The following MED12L variants were observed in gnomAD, a reference collection of about 807,000 sequenced individuals.
MED12L encodes mediator complex subunit 12L, also known as mediator of RNA polymerase II transcription subunit 12-like protein.
MED12L carries 60 observed loss-of-function variants against 281.3 expected under a neutral mutation model. That is an observed-to-expected ratio of 0.21 (90% CI 0.17 to 0.26). MED12L has a LOEUF of 0.26. Ranked by LOEUF, MED12L falls within the 10% of genes least tolerant of loss-of-function variation. The pLI, the probability that MED12L is intolerant of heterozygous loss-of-function variation, is 1.00. For synonymous variants in MED12L, 974 were observed against 987.2 expected, an observed-to-expected ratio of 0.99 and a Z score of 0.25; for missense variants, 2,146 against 2,680.9, an observed-to-expected ratio of 0.80 and a Z score of 4.41.
intron 21 of MED12L, among the ~76,000 whole-genome samples, chr3:151,364,250 C>T (rs541308793): frequency 6.6e-6 from 1 of 152,264 alleles, no homozygotes; most frequent in African/African-American, 2.4e-5. Context: ...GTTCTAATTC[C>T]TGTTATACTT....
intron 2 of MED12L, among the ~76,000 whole-genome samples, chr3:151,114,728 A>C (rs992413061): frequency 6.6e-6 from 1 of 150,810 alleles, no homozygotes; most frequent in African/African-American, 2.4e-5. Context: ...TCCATAACTC[A>C]ATGATAATCT....
intron 2 of MED12L, among the ~76,000 whole-genome samples, chr3:151,100,868 T>C (rs1417281650): frequency 2.0e-5 from 3 of 152,210 alleles, no homozygotes; most frequent in Non-Finnish European, 4.4e-5. Flanking sequence ...TTAGGTGATA[T>C]GGGGGTGTAG....
At position 151,368,737 on chromosome 3, in the gene MED12L, T is replaced by TTCATTTCATG. The variant is rs1553798229; in HGVS notation, c.3550+495_3550+496insGTCATTTCAT. Among the ~76,000 whole-genome samples, 180 of 77,162 alleles carry TTCATTTCATG rather than the reference T, an allele frequency of 2.3e-3. 1 individual carries two copies. Among genetic ancestry groups the TTCATTTCATG allele is most frequent in the Middle Eastern group, 0.012 (2 of 172 alleles). 50.6% of individuals were successfully genotyped at this position (77,162 alleles called of 152,430 possible). On this transcript the variant is annotated intron_variant, in intron 25 of 44. Transcript: ENST00000687756. ...TTCATTTCATTTCATTTCATTTCAT[T>TTCATTTCATG]TCATTTCATTTCATGTCATTTCATT...
At chr3:151,247,838 C>G (rs192841873) in intron 16 of MED12L, among the ~76,000 whole-genome samples, 113 of 151,506 alleles carry the variant, frequency 7.5e-4, no homozygotes, top group Non-Finnish European at 1.4e-3. Context: ...CATTTGTTGA[C>G]AAGAGTCACA....
At chr3:151,241,109 G>C (rs143656789) in intron 16 of MED12L, among the ~76,000 whole-genome samples, 32 of 152,182 alleles carry the variant, frequency 2.1e-4, no homozygotes, top group African/African-American at 7.5e-4. Flanking sequence ...TTAGTTAGAA[G>C]TCTTAGATCT....
chr3:151,170,808 A>G (rs1721330027), intron 11 of MED12L, among the ~76,000 whole-genome samples: 1 of 152,214 alleles, frequency 6.6e-6, no homozygotes, highest in East Asian at 1.9e-4. Flanking sequence ...CACAGTGGCC[A>G]GGCAGGTAGT....
intron 16 of MED12L, among the ~76,000 whole-genome samples, chr3:151,290,496 C>T (rs968576864): frequency 2.6e-5 from 4 of 152,084 alleles, no homozygotes; most frequent in Non-Finnish European, 5.9e-5. Context: ...TCTTACTCCT[C>T]CCTATTCAGT....
chr3:151,418,527 A>G (rs567852726), intron 43 of MED12L, among the ~76,000 whole-genome samples: 18 of 152,184 alleles, frequency 1.2e-4, no homozygotes, highest in Non-Finnish European at 2.1e-4. Flanking sequence ...ATGCTACTCA[A>G]TTTGATTTAT....
intron 40 of MED12L, 49 bp from the exon 41 acceptor site, chr3:151,411,229 C>G (rs756985625): frequency 6.6e-7 from 1 of 1,517,686 alleles, no homozygotes; most frequent in African/African-American, 1.4e-5. Context: ...GATGGGAAAG[C>G]TAGGTGATAA....
At chr3:151,137,509 T>G (rs1012681761) in intron 5 of MED12L, among the ~76,000 whole-genome samples, 1 of 152,204 alleles carries the variant, frequency 6.6e-6, no homozygotes, top group Non-Finnish European at 1.5e-5. Context: ...CTAAAGGTGC[T>G]CATTGCTACT....
At chr3:151,425,487 G>C (rs1718773380) in intron 43 of MED12L, 1 of 374,964 alleles carries the variant, frequency 2.7e-6, no homozygotes, top group Admixed American at 3.0e-5. Flanking sequence ...TGCAGTCTCA[G>C]ACTCTTAGGC....
At position 151,191,855 on chromosome 3, in the gene MED12L, G is replaced by A. The variant is rs551219662; in HGVS notation, c.1969-695G>A. Among the ~76,000 whole-genome samples the A allele has an allele frequency of 3.9e-5, 6 of 151,958 alleles. No homozygotes were observed. In the South Asian group the frequency reaches 1.0e-3, roughly 26 times the overall value. On this transcript the variant is annotated intron_variant, in intron 14 of 44. Transcript: ENST00000687756. ...CGGGAGGTGGAGGTTGCAGTGAGCC[G>A]AGATTGCGCCATTGCACTCCAGCCT...
intron 44 of MED12L, among the ~76,000 whole-genome samples, chr3:151,432,010 T>C (rs1719588894): frequency 6.6e-6 from 1 of 152,178 alleles, no homozygotes; most frequent in Non-Finnish European, 1.5e-5. Flanking sequence ...CAGTATATAC[T>C]CAGCTGCCTG....
At chr3:151,207,767 A>C (rs962442041) in intron 16 of MED12L, among the ~76,000 whole-genome samples, 6 of 152,176 alleles carry the variant, frequency 3.9e-5, no homozygotes, top group African/African-American at 1.4e-4. Flanking sequence ...CTGAAATTAC[A>C]TGGGAAGGGA....
intron 16 of MED12L, among the ~76,000 whole-genome samples, chr3:151,343,686 G>A (rs1206401938): frequency 4.6e-5 from 7 of 152,148 alleles, no homozygotes; most frequent in Non-Finnish European, 8.8e-5. Flanking sequence ...ACTTTGGTTG[G>A]TTTGGTTATT....
intron 16 of MED12L, among the ~76,000 whole-genome samples, chr3:151,231,911 A>G (rs1422050376): frequency 6.6e-6 from 1 of 152,200 alleles, no homozygotes; most frequent in Non-Finnish European, 1.5e-5. Context: ...AAGAAAACAA[A>G]GTGTTATGTT....
intron 16 of MED12L, among the ~76,000 whole-genome samples, chr3:151,230,082 G>A (rs927126501): frequency 1.3e-5 from 2 of 151,998 alleles, no homozygotes; most frequent in Admixed American, 6.6e-5. Context: ...CCATTCTCCC[G>A]CCTCTGCCTC....
chr3:151,182,145 A>T (rs906029305), intron 11 of MED12L, among the ~76,000 whole-genome samples: 9 of 152,208 alleles, frequency 5.9e-5, no homozygotes, highest in African/African-American at 2.2e-4. Context: ...CAGGAGCATT[A>T]TTTAGAGATT....
In MED12L at chr3:151,102,669, C is replaced by A. The variant is rs148653720; in HGVS notation, c.100-13669C>A. Among the ~76,000 whole-genome samples the A allele has an allele frequency of 4.1e-3, 629 of 152,248 alleles. 28 individuals are homozygous for A. The highest frequency in any genetic ancestry group is 0.037 in the Admixed American group (564 of 15,290). ...GTTGTTTTTTGTAGAGACAAGGTCTCACTATGTTGCCCAGGCTGGTCTTGA... is the reference window on the plus strand; with the variant it reads ...GTTGTTTTTTGTAGAGACAAGGTCTAACTATGTTGCCCAGGCTGGTCTTGA... On this transcript the variant is annotated intron_variant, in intron 2 of 44. Transcript: ENST00000687756.
Sources: allele counts gnomAD v4.1 joint callset (sites outside exome capture counted in the v4.1 genomes callset), GRCh38; gene constraint gnomAD v4.1.1; transcripts MANE v1.5; gene names NCBI Gene and HGNC (gene_info 2026-07-23, HGNC 2026-07-21).